The following PCDH9 variants were observed in gnomAD, a reference collection of about 807,000 sequenced individuals.
The protein encoded by PCDH9 is protocadherin 9.
A neutral mutation model predicts 70.6 loss-of-function variants in PCDH9; 24 were observed. The ratio of observed to expected loss-of-function variants is 0.34; its 90% CI spans 0.25 to 0.48. The LOEUF (loss-of-function observed/expected upper bound fraction) is 0.48. PCDH9 is among the 20% of genes least tolerant of loss of function. The pLI is 0.99. For missense variants in PCDH9, 1,281 were observed against 1,503.6 expected (o/e 0.85, Z 2.45); for synonymous variants, 562 against 558.5 (o/e 1.01, Z -0.09).
intron 2 of PCDH9, among the ~76,000 whole-genome samples, chr13:67,066,074 T>C (rs1330861449): frequency 6.6e-6 from 1 of 152,140 alleles, no homozygotes; most frequent in Non-Finnish European, 1.5e-5. Flanking sequence ...CCTTAAGAAA[T>C]TTAGTTTTCA....
At chr13:66,956,922 T>C (rs151111439) in intron 2 of PCDH9, among the ~76,000 whole-genome samples, 1 of 152,178 alleles carries the variant, frequency 6.6e-6, no homozygotes. Flanking sequence ...TTCCAATATA[T>C]GAGGCATTTG....
Position 66,687,009 on chromosome 13 carries a change from G to A in PCDH9, c.3139-55598C>T, listed in dbSNP as rs542283134. On this transcript the variant is annotated intron_variant, in intron 3 of 4. Coordinates refer to ENST00000377865, the MANE Select transcript of PCDH9 (RefSeq NM_203487.3). ...AATTGTGCCCCCCAAAAGACATTTC[G>A]ATTTACCTTATAAAGTAGGATCAGA... 9.9e-5 allele frequency among the ~76,000 whole-genome samples: 15 copies of A among 152,194 alleles called. No individual in the cohort carries two copies. In the East Asian group the frequency reaches 2.7e-3, roughly 27 times the overall value.
At chr13:66,594,694 C>T (rs527849753) in intron 4 of PCDH9, among the ~76,000 whole-genome samples, 2 of 151,446 alleles carry the variant, frequency 1.3e-5, no homozygotes, top group African/African-American at 4.8e-5. Flanking sequence ...GTGTGTTGTT[C>T]CCCTCCCTGT....
chr13:66,317,667 T>C (rs2138078656), intron 4 of PCDH9, among the ~76,000 whole-genome samples: 1 of 152,258 alleles, frequency 6.6e-6, no homozygotes, highest in East Asian at 1.9e-4. Flanking sequence ...AGAGCTCTGA[T>C]GAAATACAGA....
At chr13:66,563,401 C>G (rs1404079948) in intron 4 of PCDH9, among the ~76,000 whole-genome samples, 1 of 152,168 alleles carries the variant, frequency 6.6e-6, no homozygotes, top group African/African-American at 2.4e-5. Context: ...TTGATTGCTA[C>G]TACTTCAGTC....
At chr13:66,351,693 A>G (rs939937329) in intron 4 of PCDH9, among the ~76,000 whole-genome samples, 1 of 152,180 alleles carries the variant, frequency 6.6e-6, no homozygotes, top group Admixed American at 6.5e-5. Context: ...AGAGACTGAC[A>G]TGCCCAAAAT....
chr13:67,015,057 C>A (rs1007958394), intron 2 of PCDH9, among the ~76,000 whole-genome samples: 1 of 152,092 alleles, frequency 6.6e-6, no homozygotes, highest in African/African-American at 2.4e-5. Flanking sequence ...ACGCATTTAA[C>A]AAGAGGATAC....
chr13:66,788,557 T>A (rs1256118827), intron 3 of PCDH9, among the ~76,000 whole-genome samples: 2 of 151,966 alleles, frequency 1.3e-5, no homozygotes, highest in African/African-American at 2.4e-5. Flanking sequence ...TATTAGGTTT[T>A]GGAATTGGCA....
At chr13:66,437,457 T>A (rs1330656741) in intron 4 of PCDH9, among the ~76,000 whole-genome samples, 2 of 143,468 alleles carry the variant, frequency 1.4e-5, no homozygotes, top group African/African-American at 5.2e-5. Flanking sequence ...GTCTGAAATG[T>A]CAAGATATAC....
intron 4 of PCDH9, among the ~76,000 whole-genome samples, chr13:66,532,678 G>A (rs1015993928): frequency 1.3e-5 from 2 of 152,096 alleles, no homozygotes; most frequent in African/African-American, 4.8e-5. Flanking sequence ...GAGTAGCTGG[G>A]ACTACCGGCA....
At chr13:66,992,553 A>C (rs1006162387) in intron 2 of PCDH9, among the ~76,000 whole-genome samples, 6 of 152,144 alleles carry the variant, frequency 3.9e-5, no homozygotes, top group African/African-American at 1.4e-4. Flanking sequence ...TTGGAAGACG[A>C]GCTCTTTTAA....
chr13:67,211,542 G>T (rs898402103), intron 2 of PCDH9: 6 of 151,974 alleles, frequency 3.9e-5, no homozygotes, highest in Non-Finnish European at 7.4e-5. Flanking sequence ...CCATATGTAA[G>T]TTAGTGTTTT....
chr13:66,717,480 A>AAAATATATATAT (rs1566145314), intron 3 of PCDH9, among the ~76,000 whole-genome samples: 4 of 44,432 alleles, frequency 9.0e-5, no homozygotes, highest in Non-Finnish European at 1.1e-4. Context: ...AAAAAAAAAA[A>AAAATATATATAT]ATATATATAT....
chr13:66,631,416 AAAG>A lies in PCDH9; in HGVS notation c.3139-8_3139-6del, dbSNP rs774927491. 28 of 1,572,896 alleles carry A rather than the reference AAAG, an allele frequency of 1.8e-5. No homozygotes were observed. The highest frequency in any genetic ancestry group is 2.2e-5 in the Non-Finnish European group (25 of 1,143,124). On this transcript the variant is annotated splice_polypyrimidine_tract_variant and splice_region_variant and intron_variant, in intron 3 of 4. Coordinates refer to ENST00000377865, the MANE Select transcript of PCDH9 (RefSeq NM_203487.3). ...AAACGTAACACGGCGCTGCGACTAC[AAAG>A]AAGACCACAGGACATGCTGATTAAC...
At chr13:66,594,968 T>A (rs917740132) in intron 4 of PCDH9, among the ~76,000 whole-genome samples, 4 of 149,516 alleles carry the variant, frequency 2.7e-5, no homozygotes, top group Non-Finnish European at 5.9e-5. Context: ...CTCCTCCCCT[T>A]CTTTTTCTTA....
At chr13:66,719,845 T>G (rs190728343) in intron 3 of PCDH9, among the ~76,000 whole-genome samples, 3 of 152,212 alleles carry the variant, frequency 2.0e-5, no homozygotes, top group Non-Finnish European at 4.4e-5. Flanking sequence ...ATTTTATAAG[T>G]ATCCATAGTG....
intron 3 of PCDH9, among the ~76,000 whole-genome samples, chr13:66,772,027 A>G (rs2079816524): frequency 6.6e-6 from 1 of 152,226 alleles, no homozygotes; most frequent in Admixed American, 6.5e-5. Flanking sequence ...CATAATTAAA[A>G]TTTCACAAAA....
chr13:66,771,670 G>T (rs546887729), intron 3 of PCDH9, among the ~76,000 whole-genome samples: 1 of 152,194 alleles, frequency 6.6e-6, no homozygotes, highest in East Asian at 1.9e-4. Context: ...AAGAACATCA[G>T]TTGTGCAGTC....
chr13:67,212,014 T>C (rs1405790136), intron 2 of PCDH9: 1 of 152,138 alleles, frequency 6.6e-6, no homozygotes, highest in Non-Finnish European at 1.5e-5. Flanking sequence ...TCAACATTAT[T>C]CATGTGTGCC....
Sources: gnomAD v4.1 joint callset for allele counts (sites outside exome capture counted in the v4.1 genomes callset) on GRCh38, gnomAD v4.1.1 for gene constraint, MANE v1.5 for transcripts, NCBI Gene and HGNC (gene_info 2026-07-23, HGNC 2026-07-21) for gene names.